Variants in GRK3 observed in about 807,000 individuals in gnomAD.
The protein encoded by GRK3 is G protein-coupled receptor kinase 3, also known as adrenergic, beta, receptor kinase 2.
A neutral mutation model predicts 95.7 loss-of-function variants in GRK3; 54 were observed. The observed-to-expected ratio is 0.56, with a 90% CI of 0.45 to 0.71. The LOEUF (loss-of-function observed/expected upper bound fraction) is 0.71. Among genes scored for constraint, GRK3 ranks in the 30% least tolerant of loss-of-function variants. The pLI, the probability that GRK3 is intolerant of heterozygous loss-of-function variation, is 0.00. For synonymous variants in GRK3, 281 were observed against 290.8 expected, an observed-to-expected ratio of 0.97 and a Z score of 0.34; for missense variants, 649 against 851.2, an observed-to-expected ratio of 0.76 and a Z score of 2.96.
At chr22:25,718,848 T>C (rs1170079713) in intron 19 of GRK3, among the ~76,000 whole-genome samples, 2 of 152,270 alleles carry the variant, frequency 1.3e-5, no homozygotes, top group East Asian at 3.9e-4. Flanking sequence ...ATCCCCATCC[T>C]GGGATTCAAA....
chr22:25,662,451 A>G (rs886412554), intron 4 of GRK3, among the ~76,000 whole-genome samples: 1 of 152,204 alleles, frequency 6.6e-6, no homozygotes, highest in East Asian at 1.9e-4. Flanking sequence ...TTTGTATTGG[A>G]TGGCACAGAT....
intron 1 of GRK3, among the ~76,000 whole-genome samples, chr22:25,577,881 C>G (rs1001396974): frequency 1.3e-5 from 2 of 152,182 alleles, no homozygotes; most frequent in African/African-American, 4.8e-5. Flanking sequence ...GCATAGTCTA[C>G]TCTACGTAGA....
intron 13 of GRK3, chr22:25,702,958 G>T: frequency 2.2e-6 from 1 of 451,316 alleles, no homozygotes; most frequent in Admixed American, 2.4e-5. Context: ...AAAACAGGAA[G>T]CGCTCAGAGC....
At chr22:25,679,011 A>G in intron 9 of GRK3, 96 bp downstream of exon 9, 2 of 816,882 alleles carry the variant, frequency 2.4e-6, no homozygotes, top group Non-Finnish European at 3.9e-6. Flanking sequence ...TTGCAAGGCC[A>G]GTGAGTTCTT....
intron 1 of GRK3, among the ~76,000 whole-genome samples, chr22:25,588,167 GAC>G (rs1357305743): frequency 6.6e-6 from 1 of 152,166 alleles, no homozygotes; most frequent in East Asian, 1.9e-4. Flanking sequence ...GTAAACCGAG[GAC>G]ACCATAAATT....
At chr22:25,650,918 AT>A (rs1177180725) in intron 3 of GRK3, among the ~76,000 whole-genome samples, 5 of 152,116 alleles carry the variant, frequency 3.3e-5, no homozygotes, top group Admixed American at 6.6e-5. Context: ...AATGGTGGTC[AT>A]TTTTTCCCCT....
At chr22:25,597,183 CA>C (rs2084378204) in intron 1 of GRK3, among the ~76,000 whole-genome samples, 2 of 151,824 alleles carry the variant, frequency 1.3e-5, no homozygotes. Flanking sequence ...AATGTTCTAA[CA>C]TGTGAGTAAG....
chr22:25,674,610 T>C (rs1047187544), intron 8 of GRK3, 82 bp downstream of exon 8: 1 of 1,037,800 alleles, frequency 9.6e-7, no homozygotes, highest in Non-Finnish European at 1.5e-6. Context: ...TATAAAGAAA[T>C]GTGGAAACCT....
chr22:25,713,128 G>A (rs1427458500), intron 17 of GRK3, among the ~76,000 whole-genome samples: 2 of 152,162 alleles, frequency 1.3e-5, no homozygotes, highest in African/African-American at 4.8e-5. Flanking sequence ...AAACAGAGTT[G>A]GCCATTTCAG....
rs944309124 is a variant in GRK3 at position 25,687,971 on chromosome 22, T to A, written c.957+304T>A. ...AGCAATTTAGGCCAGGTGCGGTGGC[T>A]CATGCCTGTAATCCCAGCACTTTGG... On this transcript the variant is annotated intron_variant, in intron 11 of 20. Coordinates refer to ENST00000324198, the MANE Select transcript of GRK3 (RefSeq NM_005160.4). Among the ~76,000 whole-genome samples, 4 of 152,154 alleles carry A rather than the reference T, an allele frequency of 2.6e-5. 1 individual carries two copies. Among genetic ancestry groups the A allele is most frequent in the African/African-American group, 9.7e-5 (4 of 41,422 alleles).
intron 2 of GRK3, among the ~76,000 whole-genome samples, chr22:25,614,382 C>T (rs535093421): frequency 6.6e-6 from 1 of 152,186 alleles, no homozygotes; most frequent in Non-Finnish European, 1.5e-5. Context: ...GATCCACCCA[C>T]CTCAGCCTCC....
rs184877847 is a variant in GRK3 at position 25,587,592 on chromosome 22, G to T, written c.114-16785G>T. ...CACAGACACGTACCACCATGCCTGG[G>T]TAATTTTTTTATAGTTTTGGTAGAG... On this transcript the variant is annotated intron_variant, in intron 1 of 20. Transcript: ENST00000324198. Among the ~76,000 whole-genome samples, 387 of 152,126 alleles carry T rather than the reference G, an allele frequency of 2.5e-3. 2 individuals carry two copies. Among genetic ancestry groups the T allele is most frequent in the Middle Eastern group, 0.017 (5 of 294 alleles).
chr22:25,714,377 C>G, intron 17 of GRK3, 31 bp from the exon 18 acceptor site: 7 of 1,587,434 alleles, frequency 4.4e-6, no homozygotes, highest in Non-Finnish European at 6.0e-6. Context: ...TATGTTAAAT[C>G]ATAAATATCT....
At chr22:25,699,259 T>C (rs2085236717) in intron 13 of GRK3, among the ~76,000 whole-genome samples, 1 of 152,154 alleles carries the variant, frequency 6.6e-6, no homozygotes, top group Non-Finnish European at 1.5e-5. Context: ...AGGGAGCCCC[T>C]GGCAGCTGTC....
intron 15 of GRK3, among the ~76,000 whole-genome samples, chr22:25,706,801 G>C (rs937708125): frequency 6.6e-6 from 1 of 152,110 alleles, no homozygotes; most frequent in Admixed American, 6.5e-5. Flanking sequence ...GGGATTACAG[G>C]CGTGAGCCAC....
At chr22:25,648,648 G>T in intron 3 of GRK3, 1 of 1,012,550 alleles carries the variant, frequency 9.9e-7, no homozygotes, top group Non-Finnish European at 1.6e-6. Flanking sequence ...CATTGTCACT[G>T]AATTGATGTC....
intron 15 of GRK3, among the ~76,000 whole-genome samples, chr22:25,707,261 A>T (rs139687151): frequency 2.0e-5 from 3 of 152,230 alleles, no homozygotes; most frequent in Admixed American, 1.3e-4. Flanking sequence ...GCTTGGATAT[A>T]TGCAAGTAAA....
At chr22:25,704,251 G>T in intron 15 of GRK3, 42 bp downstream of exon 15, 8 of 1,439,612 alleles carry the variant, frequency 5.6e-6, no homozygotes, top group Non-Finnish European at 7.8e-6. Flanking sequence ...TACCAGAAGA[G>T]CAAAATAGTG....
intron 1 of GRK3, among the ~76,000 whole-genome samples, chr22:25,588,797 C>G (rs1195224073): frequency 7.1e-6 from 1 of 139,934 alleles, no homozygotes; most frequent in Non-Finnish European, 1.5e-5. Context: ...TTTTTTGAGA[C>G]AAGGTTTGTC....
Sources: gnomAD v4.1 joint callset for allele counts (sites outside exome capture counted in the v4.1 genomes callset) on GRCh38, gnomAD v4.1.1 for gene constraint, MANE v1.5 for transcripts, NCBI Gene and HGNC (gene_info 2026-07-23, HGNC 2026-07-21) for gene names.